Variants in TEX14 observed in about 807,000 individuals in gnomAD.
TEX14 encodes inactive serine/threonine-protein kinase TEX14.
A neutral mutation model predicts 178.6 loss-of-function variants in TEX14; 168 were observed. The observed-to-expected ratio is 0.94, with a 90% CI of 0.83 to 1.07. The LOEUF (loss-of-function observed/expected upper bound fraction) is 1.07. TEX14 is among the 50% of genes least tolerant of loss of function. The probability of loss-of-function intolerance (pLI) is 0.00; values close to 1 mark genes in which losing one functional copy is unlikely to be tolerated. For missense variants in TEX14, 1,730 were observed against 1,753.6 expected, an observed-to-expected ratio of 0.99 and a Z score of 0.24; for synonymous variants, 626 against 634.1, an observed-to-expected ratio of 0.99 and a Z score of 0.19.
intron 2 of TEX14, among the ~76,000 whole-genome samples, chr17:58,650,524 T>C (rs997634268): frequency 7.2e-5 from 11 of 152,156 alleles, no homozygotes; most frequent in African/African-American, 2.7e-4. Flanking sequence ...AAAGGTTTGA[T>C]AACTTATTTT....
intron 14 of TEX14, among the ~76,000 whole-genome samples, chr17:58,595,996 A>G (rs528550628): frequency 9.9e-5 from 15 of 152,270 alleles, no homozygotes; most frequent in Non-Finnish European, 2.2e-4. Flanking sequence ...CAGCCTGGCC[A>G]ATATGGTAAA....
At position 58,622,886 on chromosome 17, in the gene TEX14, C is replaced by T. The variant is rs1374282063; in HGVS notation, c.378G>A (p.Lys126=). 9 of 1,612,410 alleles carry T rather than the reference C, an allele frequency of 5.6e-6. No individual in the cohort carries two copies. Among genetic ancestry groups the T allele is most frequent in the Non-Finnish European group, 6.8e-6 (8 of 1,178,824 alleles). The stretch of plus-strand genomic sequence containing the variant: ...CCTTTCCTGCTGTCAAAGCCCAAGT[C>T]TTCGGGTTTTGACCCCTCTCATCGT... ...RLHDERGQNP[K]TWALTAGKER... is the part of the protein sequence containing the mutation. The change falls in exon 4 of 32, where the codon AAG becomes AAA. Residue 126 remains lysine, a synonymous_variant. Coordinates refer to ENST00000349033, the MANE Select transcript of TEX14 (RefSeq NM_031272.5).
intron 1 of TEX14, among the ~76,000 whole-genome samples, chr17:58,690,787 A>C (rs1044445941): frequency 2.0e-5 from 3 of 152,182 alleles, no homozygotes; most frequent in African/African-American, 7.2e-5. Flanking sequence ...TCTCCCCGCC[A>C]GTAGGGACTC....
intron 1 of TEX14, 79 bp downstream of exon 1, chr17:58,691,860 G>A (rs1251566406): frequency 2.0e-5 from 3 of 152,276 alleles, no homozygotes; most frequent in East Asian, 3.9e-4. Context: ...TACCACAAAA[G>A]GAGCTCTTGT....
intron 11 of TEX14, among the ~76,000 whole-genome samples, chr17:58,603,554 T>TAAA (rs71143256): frequency 2.8e-5 from 2 of 71,726 alleles, no homozygotes; most frequent in Non-Finnish European, 5.0e-5. Context: ...GACTCCATCT[T>TAAA]AAAAAAAAAA....
At chr17:58,632,100 C>T (rs117752001) in intron 2 of TEX14, among the ~76,000 whole-genome samples, 1 of 152,318 alleles carries the variant, frequency 6.6e-6, no homozygotes, top group Non-Finnish European at 1.5e-5. Context: ...CATTTTCCTC[C>T]ACGCGTAACG....
intron 10 of TEX14, among the ~76,000 whole-genome samples, chr17:58,605,407 T>A (rs1373302843): frequency 6.6e-6 from 1 of 152,226 alleles, no homozygotes; most frequent in Non-Finnish European, 1.5e-5. Context: ...TTGGCCAGGC[T>A]CGTGGGTCTT....
Position 58,557,002 on chromosome 17 carries a change from C to T in TEX14, c.*9G>A. Reference sequence around the variant, plus strand: ...TCAGGCCAGGAGTCCGTCTATGATCCAATTCCAATCAGTCTGACAAGTCAC... The same window carrying T: ...TCAGGCCAGGAGTCCGTCTATGATCTAATTCCAATCAGTCTGACAAGTCAC... On this transcript the variant is annotated 3_prime_UTR_variant, in exon 32 of 32. Coordinates refer to ENST00000349033, the MANE Select transcript of TEX14 (RefSeq NM_031272.5). The T allele has an allele frequency of 6.2e-7, 1 of 1,611,826 alleles. No homozygotes were observed. The highest frequency in any genetic ancestry group is 8.5e-7 in the Non-Finnish European group (1 of 1,177,822).
intron 10 of TEX14, among the ~76,000 whole-genome samples, chr17:58,608,497 G>A (rs1298185284): frequency 2.0e-5 from 3 of 150,752 alleles, no homozygotes; most frequent in Admixed American, 6.6e-5. Context: ...TAGGAAGATC[G>A]CTTGACGCTG....
intron 23 of TEX14, 66 bp downstream of exon 23, chr17:58,573,115 T>C: frequency 6.3e-7 from 1 of 1,586,528 alleles, no homozygotes; most frequent in Non-Finnish European, 8.6e-7. Context: ...ACGGCTTGGC[T>C]TCCCAGAGAC....
chr17:58,660,142 C>A (rs958506122), intron 1 of TEX14, among the ~76,000 whole-genome samples: 2 of 151,168 alleles, frequency 1.3e-5, no homozygotes, highest in African/African-American at 4.8e-5. Context: ...CGGTGGCTCA[C>A]GTCTGTAATC....
chr17:58,581,614 T>C (rs1402402086), intron 19 of TEX14: 10 of 1,613,742 alleles, frequency 6.2e-6, no homozygotes, highest in Non-Finnish European at 7.6e-6. Flanking sequence ...TTTTTACCTC[T>C]AGAGCTAAGT....
Position 58,601,965 on chromosome 17 carries a change from C to T in TEX14, c.1528-9G>A. 1.2e-6 allele frequency: 2 copies of T among 1,612,522 alleles called. No homozygotes were observed. Among genetic ancestry groups the T allele is most frequent in the Non-Finnish European group, 1.7e-6 (2 of 1,179,720 alleles). ...TGGGCTCCAGTAAAATCCTGTAACACAGGAAATATTGTCAAGGACATAGTC... is the reference window on the plus strand; with the variant it reads ...TGGGCTCCAGTAAAATCCTGTAACATAGGAAATATTGTCAAGGACATAGTC... On this transcript the variant is annotated splice_polypyrimidine_tract_variant and intron_variant, in intron 12 of 31. Transcript: ENST00000349033.
At chr17:58,601,563 A>C (rs964803835) in intron 13 of TEX14, among the ~76,000 whole-genome samples, 1 of 150,450 alleles carries the variant, frequency 6.6e-6, no homozygotes, top group Non-Finnish European at 1.5e-5. Context: ...GCATGGTGGC[A>C]CATGCCTGTA....
rs749529942 is a variant in TEX14, at chr17:58,566,992, C to T, written c.3887-1168G>A. ...GATCAGCCTGACCAACATGGTGAAC[C>T]CCATCTCTACTAAAAATACAAAAAA... On this transcript the variant is annotated intron_variant, in intron 26 of 31. Transcript: ENST00000349033. 8.0e-5 allele frequency among the ~76,000 whole-genome samples: 12 copies of T among 150,660 alleles called. No homozygotes were observed. The Middle Eastern group carries it at 0.01, about 129-fold the overall frequency.
At chr17:58,581,476 T>A in intron 19 of TEX14, 1 of 984,142 alleles carries the variant, frequency 1.0e-6, no homozygotes, top group Non-Finnish European at 1.5e-6. Flanking sequence ...CATATCACAC[T>A]CCTGACACCA....
chr17:58,589,406 C>CA, intron 15 of TEX14, among the ~76,000 whole-genome samples: 1 of 150,680 alleles, frequency 6.6e-6, no homozygotes, highest in Admixed American at 6.6e-5. Context: ...CCTAAAAATA[C>CA]AAAAAATTAG....
At chr17:58,631,924 G>A (rs189026732) in intron 2 of TEX14, 45 of 152,256 alleles carry the variant, frequency 3.0e-4, no homozygotes, top group South Asian at 2.1e-4. Context: ...TTTTCCTCTC[G>A]AAAATATTAC....
intron 11 of TEX14, among the ~76,000 whole-genome samples, chr17:58,603,725 G>A (rs1223343458): frequency 1.3e-5 from 2 of 150,608 alleles, no homozygotes; most frequent in Non-Finnish European, 3.0e-5. Flanking sequence ...ATGGTGGCAC[G>A]CGCCTGTAGT....
Sources: allele counts gnomAD v4.1 joint callset (sites outside exome capture counted in the v4.1 genomes callset), GRCh38; gene constraint gnomAD v4.1.1; transcripts MANE v1.5; gene names NCBI Gene and HGNC (gene_info 2026-07-23, HGNC 2026-07-21).